The following ARHGAP26 variants were observed in gnomAD, a reference collection of about 807,000 sequenced individuals.
ARHGAP26 encodes rho GTPase-activating protein 26.
Under a neutral mutation model 104.8 loss-of-function variants are expected in ARHGAP26, and 38 were observed. That is an observed-to-expected ratio of 0.36 (90% CI 0.28 to 0.48). The LOEUF is 0.48. Ranked by LOEUF, ARHGAP26 falls within the 20% of genes least tolerant of loss-of-function variation. The probability of loss-of-function intolerance (pLI) is 0.99; values close to 1 mark genes in which losing one functional copy is unlikely to be tolerated. For missense variants in ARHGAP26, 704 were observed against 947.9 expected, an observed-to-expected ratio of 0.74 and a Z score of 3.38; for synonymous variants, 341 against 340.0, an observed-to-expected ratio of 1.00 and a Z score of -0.03.
chr5:143,119,919 A>G (rs1393397079), intron 17 of ARHGAP26, among the ~76,000 whole-genome samples: 1 of 152,128 alleles, frequency 6.6e-6, no homozygotes, highest in African/African-American at 2.4e-5. Flanking sequence ...GACCAGAGAA[A>G]CAGTGAGAAA....
chr5:142,783,630 C>G (rs1208469445), intron 1 of ARHGAP26, among the ~76,000 whole-genome samples: 2 of 152,144 alleles, frequency 1.3e-5, no homozygotes, highest in African/African-American at 4.8e-5. Context: ...GCTGATCTCC[C>G]CCTTCTACCT....
intron 10 of ARHGAP26, among the ~76,000 whole-genome samples, chr5:142,928,214 A>G (rs1598278878): frequency 7.0e-6 from 1 of 143,510 alleles, no homozygotes; most frequent in Non-Finnish European, 1.5e-5. Context: ...TATGATTAGG[A>G]CTTTTTGTGT....
intron 17 of ARHGAP26, among the ~76,000 whole-genome samples, chr5:143,112,835 C>T (rs926761151): frequency 1.7e-4 from 26 of 152,212 alleles, no homozygotes. Context: ...TTGTACGTAA[C>T]ACATTTTGCT....
intron 20 of ARHGAP26, among the ~76,000 whole-genome samples, chr5:143,152,591 G>T (rs1799980143): frequency 6.6e-6 from 1 of 152,182 alleles, no homozygotes; most frequent in Non-Finnish European, 1.5e-5. Context: ...TAGAATCTTT[G>T]CAACCCCTCC....
intron 12 of ARHGAP26, among the ~76,000 whole-genome samples, chr5:143,034,180 C>G (rs565213842): frequency 4.2e-4 from 64 of 152,164 alleles, no homozygotes; most frequent in Non-Finnish European, 8.1e-4. Context: ...GCTTAGAAAA[C>G]AGTTTGGCAA....
intron 1 of ARHGAP26, among the ~76,000 whole-genome samples, chr5:142,788,606 C>A (rs75669160): frequency 1.7e-4 from 26 of 152,210 alleles, no homozygotes; most frequent in Non-Finnish European, 3.4e-4. Flanking sequence ...TTTTTCCTTG[C>A]CATTATTCCC....
chr5:142,866,949 TCAGGCTTGACTTGCTGTATGAGAGCA>T (rs2152330595), intron 1 of ARHGAP26: 1 of 152,348 alleles, frequency 6.6e-6, no homozygotes, highest in South Asian at 2.1e-4. Flanking sequence ...ACTCCATGTC[TCAGGCTTGACTTGCTGTATGAGAGCA>T]CAGGCCCTCC....
intron 10 of ARHGAP26, among the ~76,000 whole-genome samples, chr5:142,918,302 C>T (rs144932873): frequency 0.011 from 1,662 of 152,062 alleles, 33 homozygotes; most frequent in African/African-American, 0.038. Flanking sequence ...ATGCACCACC[C>T]CGTCTGGCTA....
intron 20 of ARHGAP26, among the ~76,000 whole-genome samples, chr5:143,197,237 A>G (rs902858904): frequency 7.9e-5 from 12 of 152,198 alleles, no homozygotes; most frequent in African/African-American, 2.2e-4. Context: ...ATGTCTAGCA[A>G]TGGAACTACT....
chr5:143,041,722 G>GAAAAA (rs34295120), intron 13 of ARHGAP26, 94 bp from the exon 14 acceptor site: 185 of 642,826 alleles, frequency 2.9e-4, no homozygotes, highest in South Asian at 7.9e-4. Context: ...CTGAGAAAAT[G>GAAAAA]AAAAAAAAAA....
At chr5:143,070,992 A>G (rs1275198483) in intron 17 of ARHGAP26, among the ~76,000 whole-genome samples, 1 of 152,198 alleles carries the variant, frequency 6.6e-6, no homozygotes, top group Non-Finnish European at 1.5e-5. Context: ...TGGGACCACA[A>G]AAGACCGTGA....
intron 11 of ARHGAP26, among the ~76,000 whole-genome samples, chr5:142,957,634 A>G (rs1769473886): frequency 6.6e-6 from 1 of 152,246 alleles, no homozygotes; most frequent in South Asian, 2.1e-4. Context: ...CTAGATTTCC[A>G]TGCTGCACTG....
chr5:142,855,733 T>C (rs1445052952), intron 1 of ARHGAP26, among the ~76,000 whole-genome samples: 1 of 152,232 alleles, frequency 6.6e-6, no homozygotes, highest in African/African-American at 2.4e-5. Flanking sequence ...ATAATTTAGC[T>C]GGGAAGACAG....
At chr5:143,079,427 A>C (rs1278386220) in intron 17 of ARHGAP26, among the ~76,000 whole-genome samples, 1 of 152,178 alleles carries the variant, frequency 6.6e-6, no homozygotes, top group Non-Finnish European at 1.5e-5. Flanking sequence ...TGTAGTCGGC[A>C]CGGGAGAAAG....
chr5:143,150,530 G>A (rs1402149751), intron 20 of ARHGAP26, among the ~76,000 whole-genome samples: 1 of 152,194 alleles, frequency 6.6e-6, no homozygotes, highest in Non-Finnish European at 1.5e-5. Flanking sequence ...AGCATTCCAG[G>A]TAAGAAGGAT....
In ARHGAP26 at chr5:143,227,839, ATAT is replaced by A. The variant is rs1278296350; in HGVS notation, c.*5397_*5399del. On this transcript the variant is annotated 3_prime_UTR_variant, in exon 23 of 23. Transcript: ENST00000645722. Reference sequence around the variant, plus strand: ...TTTGGATACTTTTTTAGAAGGATAAATATTATGCTTACTGAGGAGAAAAAAAAA... The same window carrying A: ...TTTGGATACTTTTTTAGAAGGATAAATATGCTTACTGAGGAGAAAAAAAAA... 1 of 221,536 alleles carries A rather than the reference ATAT, an allele frequency of 4.5e-6. No individual in the cohort carries two copies. Among genetic ancestry groups the A allele is most frequent in the East Asian group, 6.6e-5 (1 of 15,136 alleles). 13.7% of individuals were successfully genotyped at this position (221,536 alleles called of 1,614,324 possible). A position where few individuals can be genotyped will look rare whatever the true frequency, so the allele number is the denominator to read the frequency against.
chr5:143,000,179 T>G (rs1777000186), intron 11 of ARHGAP26, among the ~76,000 whole-genome samples: 1 of 152,208 alleles, frequency 6.6e-6, no homozygotes, highest in South Asian at 2.1e-4. Context: ...GGTGGGGGTG[T>G]AAGTAAAATG....
At chr5:142,821,422 C>T (rs1416869876) in intron 1 of ARHGAP26, among the ~76,000 whole-genome samples, 4 of 149,498 alleles carry the variant, frequency 2.7e-5, no homozygotes, top group African/African-American at 9.8e-5. Flanking sequence ...ATTCCCATAC[C>T]TGCAAGTGCA....
chr5:142,990,252 C>T (rs991785402), intron 11 of ARHGAP26, among the ~76,000 whole-genome samples: 2 of 152,218 alleles, frequency 1.3e-5, no homozygotes, highest in African/African-American at 4.8e-5. Flanking sequence ...AAATCGGCTA[C>T]TGAAGCTTGT....
Sources: gnomAD v4.1 joint callset for allele counts (sites outside exome capture counted in the v4.1 genomes callset) on GRCh38, gnomAD v4.1.1 for gene constraint, MANE v1.5 for transcripts, NCBI Gene and HGNC (gene_info 2026-07-23, HGNC 2026-07-21) for gene names.